The following ATP11A variants were observed in gnomAD, a reference collection of about 807,000 sequenced individuals.
ATP11A encodes phospholipid-transporting ATPase IH.
A neutral mutation model predicts 154.4 loss-of-function variants in ATP11A; 81 were observed. The observed-to-expected ratio is 0.52, with a 90% CI of 0.44 to 0.63. The LOEUF (loss-of-function observed/expected upper bound fraction) is 0.63. Among genes scored for constraint, ATP11A ranks in the 30% least tolerant of loss-of-function variants. The pLI is 0.00. For missense variants in ATP11A, 1,316 were observed against 1,474.3 expected, an observed-to-expected ratio of 0.89 and a Z score of 1.76; for synonymous variants, 623 against 585.9, an observed-to-expected ratio of 1.06 and a Z score of -0.91.
In ATP11A at chr13:112,785,129, C is replaced by A. The variant is rs750416000; in HGVS notation, c.40-6C>A. The A allele has an allele frequency of 6.7e-7, 1 of 1,485,642 alleles. No individual in the cohort carries two copies. The highest frequency in any genetic ancestry group is 2.6e-5 in the East Asian group (1 of 38,390). The allele number at this position is 1,485,642 out of a possible 1,614,324, so 92.0% of individuals were successfully genotyped here. On this transcript the variant is annotated splice_polypyrimidine_tract_variant and splice_region_variant and intron_variant, in intron 1 of 29. Coordinates refer to ENST00000375645, the MANE Select transcript of ATP11A (RefSeq NM_015205.3). The surrounding 1 kb of genome is among the most constrained non-coding windows in gnomAD (Gnocchi z 4.8). ...CAGCTGCCTAACACCGCTCTCCTTT[C>A]CGCAGTGTGCAGGAGAAGAGAATTG...
rs1309083601 is a variant in ATP11A at position 112,753,179 on chromosome 13, G to T, written c.40-31956G>T. 2.6e-5 allele frequency among the ~76,000 whole-genome samples: 4 copies of T among 152,128 alleles called. No individual in the cohort carries two copies. Among genetic ancestry groups the T allele is most frequent in the Non-Finnish European group, 5.9e-5 (4 of 68,032 alleles). On this transcript the variant is annotated intron_variant, in intron 1 of 29. Coordinates refer to ENST00000375645, the MANE Select transcript of ATP11A (RefSeq NM_015205.3). The surrounding 1 kb of genome is among the most constrained non-coding windows in gnomAD (Gnocchi z 4.1). The stretch of plus-strand genomic sequence containing the variant: ...CTTTGTACCTGCGTGTTATGTGGAT[G>T]GCGTGCATGTGTCTGCACAGCTGCG...
Position 112,841,049 on chromosome 13 carries a change from G to A in ATP11A, c.1706-1227G>A, listed in dbSNP as rs142462156. 7.3e-3 allele frequency among the ~76,000 whole-genome samples: 1,117 copies of A among 152,378 alleles called. 6 individuals carry two copies. The highest frequency in any genetic ancestry group is 9.2e-3 in the Non-Finnish European group (626 of 68,038). ...GCTGTGGTGTTTCTCCCACCCTGCC[G>A]TCACCGCGCCGTAGCACGGCGTTTC... On this transcript the variant is annotated intron_variant, in intron 16 of 29. Transcript: ENST00000375645.
chr13:112,776,799 A>G (rs2077359818), intron 1 of ATP11A, among the ~76,000 whole-genome samples: 1 of 151,970 alleles, frequency 6.6e-6, no homozygotes, highest in African/African-American at 2.4e-5. Flanking sequence ...GTTTCGCCAT[A>G]TTGGCCAGGC....
intron 1 of ATP11A, among the ~76,000 whole-genome samples, chr13:112,722,695 G>A (rs964899350): frequency 2.6e-5 from 4 of 152,184 alleles, no homozygotes; most frequent in African/African-American, 9.7e-5. Context: ...GTTTACATAC[G>A]TAAAATACTT....
intron 16 of ATP11A, among the ~76,000 whole-genome samples, chr13:112,841,370 C>T (rs1438149152): frequency 2.7e-5 from 4 of 145,500 alleles, no homozygotes; most frequent in Non-Finnish European, 4.5e-5. Flanking sequence ...GTGTCGGGAG[C>T]ACCTGCGCCC....
At chr13:112,803,991 C>T (rs1487908218) in intron 2 of ATP11A, among the ~76,000 whole-genome samples, 10 of 56,462 alleles carry the variant, frequency 1.8e-4, no homozygotes, top group East Asian at 5.1e-4. Flanking sequence ...CCCCTCATTC[C>T]CCTCCTTCCC....
intron 1 of ATP11A, among the ~76,000 whole-genome samples, chr13:112,756,870 T>G (rs28378528): frequency 7.3e-4 from 90 of 122,548 alleles, no homozygotes; most frequent in African/African-American, 2.1e-3. Flanking sequence ...TCCCAGCACG[T>G]GGTCTGCTCC....
intron 1 of ATP11A, among the ~76,000 whole-genome samples, chr13:112,781,194 C>T (rs948562816): frequency 2.0e-5 from 3 of 151,978 alleles, no homozygotes; most frequent in Non-Finnish European, 2.9e-5. Flanking sequence ...CCCACATGCC[C>T]GGCTAATTTT....
intron 1 of ATP11A, among the ~76,000 whole-genome samples, chr13:112,761,998 A>G (rs886251896): frequency 3.3e-5 from 5 of 152,208 alleles, no homozygotes; most frequent in African/African-American, 9.7e-5. Context: ...ACTGGAGTCA[A>G]CTGCCTAGCC....
intron 5 of ATP11A, among the ~76,000 whole-genome samples, chr13:112,815,426 C>A (rs2078618324): frequency 1.3e-5 from 2 of 151,752 alleles, no homozygotes; most frequent in African/African-American, 4.8e-5. Flanking sequence ...ACCCGGCAGA[C>A]ACACAGTCCA....
At chr13:112,799,955 G>A (rs1031896303) in intron 2 of ATP11A, among the ~76,000 whole-genome samples, 4 of 152,076 alleles carry the variant, frequency 2.6e-5, no homozygotes, top group African/African-American at 9.7e-5. Flanking sequence ...ATGAACCAAA[G>A]AAGTCTCAAG....
intron 7 of ATP11A, 110 bp from the exon 8 acceptor site, chr13:112,819,790 G>A: frequency 8.7e-7 from 1 of 1,145,106 alleles, no homozygotes; most frequent in Non-Finnish European, 1.3e-6. Context: ...GCCGCACACG[G>A]AGCGGGCCAG....
chr13:112,821,867 G>A (rs1216588229), intron 8 of ATP11A, among the ~76,000 whole-genome samples: 1 of 152,184 alleles, frequency 6.6e-6, no homozygotes, highest in African/African-American at 2.4e-5. Flanking sequence ...ATTATTATAA[G>A]TGTGTTGCAA....
chr13:112,748,285 G>A (rs1892403773), intron 1 of ATP11A, among the ~76,000 whole-genome samples: 1 of 152,052 alleles, frequency 6.6e-6, no homozygotes, highest in African/African-American at 2.4e-5. Flanking sequence ...AACTAAGATG[G>A]GTCTTCATTA....
chr13:112,828,756 A>G (rs193227490), intron 12 of ATP11A, among the ~76,000 whole-genome samples: 1 of 152,340 alleles, frequency 6.6e-6, no homozygotes, highest in African/African-American at 2.4e-5. Context: ...TCGTACACAA[A>G]GAAGTGTGTA....
intron 1 of ATP11A, among the ~76,000 whole-genome samples, chr13:112,775,897 G>A (rs1465761913): frequency 6.6e-6 from 1 of 152,222 alleles, no homozygotes; most frequent in African/African-American, 2.4e-5. Flanking sequence ...GTCAGCCAGA[G>A]AACAGCAAGT....
chr13:112,881,713 G>A (rs2080889477), intron 29 of ATP11A, 163 bp from the exon 30 acceptor site: 5 of 1,296,206 alleles, frequency 3.9e-6, no homozygotes, highest in South Asian at 2.6e-5. Flanking sequence ...AGCAGTTCCT[G>A]CAGGAGGCGA....
chr13:112,834,422 G>C (rs1488313009), intron 14 of ATP11A, among the ~76,000 whole-genome samples, 167 bp from the exon 15 acceptor site: 1 of 152,194 alleles, frequency 6.6e-6, no homozygotes, highest in Non-Finnish European at 1.5e-5. Flanking sequence ...TGGTGAATAA[G>C]TTCATTATGA....
Position 112,754,107 on chromosome 13 carries a change from G to A in ATP11A, c.40-31028G>A, listed in dbSNP as rs1481241173. Among the ~76,000 whole-genome samples the A allele has an allele frequency of 2.0e-5, 3 of 152,174 alleles. No individual in the cohort carries two copies. The highest frequency in any genetic ancestry group is 7.2e-5 in the African/African-American group (3 of 41,444). ...GGGGTTCGGCTTCACTCTCTTCAGC[G>A]CCTGGGGCCTTCATCCTGAGCCGCA... On this transcript the variant is annotated intron_variant, in intron 1 of 29. Coordinates refer to ENST00000375645, the MANE Select transcript of ATP11A (RefSeq NM_015205.3). This position sits in a 1 kb window ranked among gnomAD's most constrained non-coding sequence, Gnocchi z 5.3.
Sources: gnomAD v4.1 joint callset for allele counts (sites outside exome capture counted in the v4.1 genomes callset) on GRCh38, gnomAD v4.1.1 for gene constraint, Gnocchi (gnomAD v3.1) non-coding constraint, MANE v1.5 for transcripts, NCBI Gene and HGNC (gene_info 2026-07-23, HGNC 2026-07-21) for gene names.